Variants in DCC observed in about 807,000 individuals in gnomAD.
The protein encoded by DCC is DCC netrin 1 receptor.
A neutral mutation model predicts 172.5 loss-of-function variants in DCC; 58 were observed. The observed-to-expected ratio is 0.34, with a 90% CI of 0.27 to 0.42. DCC has a LOEUF of 0.42. DCC is among the 10% of genes least tolerant of loss of function. The probability of loss-of-function intolerance (pLI) is 1.00; values close to 1 mark genes in which losing one functional copy is unlikely to be tolerated. For missense variants in DCC, 1,740 were observed against 1,791.0 expected, an observed-to-expected ratio of 0.97 and a Z score of 0.51; for synonymous variants, 709 against 644.5, an observed-to-expected ratio of 1.10 and a Z score of -1.52.
intron 15 of DCC, among the ~76,000 whole-genome samples, chr18:53,366,480 A>C (rs2058006201): frequency 6.6e-6 from 1 of 152,194 alleles, no homozygotes. Flanking sequence ...AATATTATAA[A>C]ATAAAATAAA....
chr18:52,630,791 T>C (rs1321405475), intron 1 of DCC, among the ~76,000 whole-genome samples: 1 of 152,212 alleles, frequency 6.6e-6, no homozygotes, highest in Non-Finnish European at 1.5e-5. Flanking sequence ...ACTTAAACAT[T>C]ACTCCTTTGA....
chr18:52,392,813 A>G (rs958607291), intron 1 of DCC, among the ~76,000 whole-genome samples: 1 of 152,146 alleles, frequency 6.6e-6, no homozygotes, highest in Non-Finnish European at 1.5e-5. Context: ...GAAAGACCAT[A>G]AAGTTGACTT....
chr18:52,458,182 A>G (rs1162057276), intron 1 of DCC, among the ~76,000 whole-genome samples: 1 of 152,138 alleles, frequency 6.6e-6, no homozygotes, highest in East Asian at 1.9e-4. Flanking sequence ...ATTCTGCTTC[A>G]TATCTCATGT....
intron 7 of DCC, among the ~76,000 whole-genome samples, chr18:53,091,888 TG>T (rs1324651690): frequency 1.3e-5 from 2 of 151,788 alleles, no homozygotes; most frequent in Non-Finnish European, 2.9e-5. Flanking sequence ...TACATAAATA[TG>T]TCTTTAAATT....
At chr18:52,471,083 GT>G (rs1443343258) in intron 1 of DCC, among the ~76,000 whole-genome samples, 2 of 152,208 alleles carry the variant, frequency 1.3e-5, no homozygotes, top group Non-Finnish European at 2.9e-5. Context: ...GGGCGTGGTG[GT>G]TCATACTTGT....
intron 1 of DCC, among the ~76,000 whole-genome samples, chr18:52,610,780 C>T (rs905196376): frequency 6.6e-6 from 1 of 152,020 alleles, no homozygotes; most frequent in African/African-American, 2.4e-5. Context: ...TGGGCCCTTA[C>T]ATTTAGATTT....
chr18:53,532,220 A>G lies in DCC; in HGVS notation c.*1567A>G, dbSNP rs1023483731. 7.2e-5 allele frequency: 11 copies of G among 152,182 alleles called. No homozygotes were observed. Among genetic ancestry groups the G allele is most frequent in the African/African-American group, 2.4e-4 (10 of 41,438 alleles). 9.4% of individuals were successfully genotyped at this position (152,182 alleles called of 1,614,324 possible). ...GCATGGAAGGGATAGGATCTTTACAACCTAATAGCTCCTTTTATTAGGTGG... is the reference window on the plus strand; with the variant it reads ...GCATGGAAGGGATAGGATCTTTACAGCCTAATAGCTCCTTTTATTAGGTGG... On this transcript the variant is annotated 3_prime_UTR_variant, in exon 29 of 29. Transcript: ENST00000442544.
chr18:52,846,001 G>A (rs2038881930), intron 2 of DCC, among the ~76,000 whole-genome samples: 1 of 152,208 alleles, frequency 6.6e-6, no homozygotes, highest in African/African-American at 2.4e-5. Flanking sequence ...AGGCACTGGG[G>A]TTGCCTCAGT....
At chr18:52,612,353 CT>C (rs1350061841) in intron 1 of DCC, among the ~76,000 whole-genome samples, 4 of 152,140 alleles carry the variant, frequency 2.6e-5, no homozygotes, top group Admixed American at 2.6e-4. Context: ...ATCAGTTCTC[CT>C]CTTAACTATA....
rs145257614 is a variant in DCC, at chr18:52,963,476, A to C, written c.985+38106A>C. Among the ~76,000 whole-genome samples, 7 of 152,284 alleles carry C rather than the reference A, an allele frequency of 4.6e-5. No homozygotes were observed. In the East Asian group the frequency reaches 7.7e-4, roughly 17 times the overall value. The stretch of plus-strand genomic sequence containing the variant: ...AAGCAAAGACCTGCAAATGGATGCA[A>C]TTTAGTGAACAAAAGAGGGATGCGA... On this transcript the variant is annotated intron_variant, in intron 5 of 28. Transcript: ENST00000442544.
chr18:52,544,315 G>A (rs2032551263), intron 1 of DCC, among the ~76,000 whole-genome samples: 1 of 152,148 alleles, frequency 6.6e-6, no homozygotes, highest in Admixed American at 6.6e-5. Flanking sequence ...AAGAGTACCT[G>A]GTGATAACTA....
chr18:52,937,387 C>G (rs143284354), intron 5 of DCC, among the ~76,000 whole-genome samples: 95 of 152,272 alleles, frequency 6.2e-4, no homozygotes, highest in African/African-American at 2.2e-3. Flanking sequence ...AACCTACTAC[C>G]TCCTCATTCC....
At chr18:52,568,684 GCT>G (rs1216386614) in intron 1 of DCC, among the ~76,000 whole-genome samples, 2 of 151,792 alleles carry the variant, frequency 1.3e-5, no homozygotes, top group Non-Finnish European at 2.9e-5. Flanking sequence ...ATGTGTGTGT[GCT>G]TACACACACA....
At chr18:52,907,996 T>A (rs2039915181) in intron 3 of DCC, among the ~76,000 whole-genome samples, 1 of 152,214 alleles carries the variant, frequency 6.6e-6, no homozygotes, top group Non-Finnish European at 1.5e-5. Flanking sequence ...TCTCATGTAA[T>A]GCCTACTTTC....
chr18:53,300,850 G>A lies in DCC; in HGVS notation c.1912-4728G>A, dbSNP rs567906417. ...CTAATTTGTGGTAGATCTGGAAGAAGGAGGTTGGATTTCTATCTCCCTGGA... is the reference window on the plus strand; with the variant it reads ...CTAATTTGTGGTAGATCTGGAAGAAAGAGGTTGGATTTCTATCTCCCTGGA... On this transcript the variant is annotated intron_variant, in intron 12 of 28. Transcript: ENST00000442544. 3.3e-5 allele frequency among the ~76,000 whole-genome samples: 5 copies of A among 152,216 alleles called. No individual in the cohort carries two copies. The East Asian group carries it at 7.7e-4, about 24-fold the overall frequency.
intron 15 of DCC, among the ~76,000 whole-genome samples, chr18:53,344,585 G>A (rs2057701429): frequency 6.6e-6 from 1 of 151,060 alleles, no homozygotes; most frequent in African/African-American, 2.4e-5. Context: ...GGGATTACAA[G>A]CGTGCGCCAT....
chr18:52,665,969 T>C (rs918532506), intron 1 of DCC, among the ~76,000 whole-genome samples: 1 of 152,150 alleles, frequency 6.6e-6, no homozygotes, highest in Non-Finnish European at 1.5e-5. Flanking sequence ...TTCTCTAATA[T>C]GATTGAAAGC....
At chr18:52,602,162 G>A (rs1222964239) in intron 1 of DCC, among the ~76,000 whole-genome samples, 1 of 152,030 alleles carries the variant, frequency 6.6e-6, no homozygotes, top group African/African-American at 2.4e-5. Flanking sequence ...TTTCTAATGA[G>A]CACAAATGTG....
At chr18:52,654,138 G>A (rs1419954265) in intron 1 of DCC, among the ~76,000 whole-genome samples, 1 of 152,090 alleles carries the variant, frequency 6.6e-6, no homozygotes, top group Non-Finnish European at 1.5e-5. Context: ...CTCACATATT[G>A]CCAATAGAAA....
Sources: allele counts gnomAD v4.1 joint callset (sites outside exome capture counted in the v4.1 genomes callset), GRCh38; gene constraint gnomAD v4.1.1; transcripts MANE v1.5; gene names NCBI Gene and HGNC (gene_info 2026-07-23, HGNC 2026-07-21).